CATSPERE: variants seen among roughly 807,000 people sequenced by gnomAD.
The protein encoded by CATSPERE is catsper channel auxiliary subunit epsilon.
Under a neutral mutation model 114.1 loss-of-function variants are expected in CATSPERE, and 93 were observed. That is an observed-to-expected ratio of 0.81 (90% confidence interval 0.69 to 0.97). The LOEUF is 0.97. Ranked by LOEUF, CATSPERE falls within the 50% of genes least tolerant of loss-of-function variation. The pLI is 0.00. For missense variants in CATSPERE, 1,058 were observed against 1,131.6 expected (o/e 0.93, Z 0.93); for synonymous variants, 341 against 384.1 (o/e 0.89, Z 1.31).
At chr1:244,454,436 C>T (rs1665937060) in exon 1 of CATSPERE, 2 of 152,106 alleles carry the variant, frequency 1.3e-5, no homozygotes, top group African/African-American at 4.8e-5. Flanking sequence ...TGGGCAGCAT[C>T]TTGCAAATTA....
At chr1:244,541,460 C>G (rs1482814519) in intron 8 of CATSPERE, among the ~76,000 whole-genome samples, 15 of 149,548 alleles carry the variant, frequency 1.0e-4, no homozygotes, top group African/African-American at 3.4e-4. Flanking sequence ...CAGTGAGATA[C>G]CATCTCACAC....
chr1:244,518,094 T>A (rs1383400641), intron 7 of CATSPERE, among the ~76,000 whole-genome samples: 1 of 152,198 alleles, frequency 6.6e-6, no homozygotes, highest in Non-Finnish European at 1.5e-5. Context: ...TAATTCCAAC[T>A]CAATTCCCCT....
chr1:244,520,412 G>A (rs1677332188), intron 8 of CATSPERE, among the ~76,000 whole-genome samples: 1 of 152,084 alleles, frequency 6.6e-6, no homozygotes, highest in African/African-American at 2.4e-5. Flanking sequence ...CCATTGAATT[G>A]TTTTGGAACT....
At chr1:244,580,830 G>A (rs900999583) in intron 11 of CATSPERE, among the ~76,000 whole-genome samples, 84 of 151,926 alleles carry the variant, frequency 5.5e-4, no homozygotes, top group Admixed American at 4.9e-3. Flanking sequence ...GTGAAACCCC[G>A]TCTCTACTAA....
At chr1:244,489,742 C>T (rs976024433) in intron 5 of CATSPERE, among the ~76,000 whole-genome samples, 22 of 152,030 alleles carry the variant, frequency 1.4e-4, no homozygotes, top group Non-Finnish European at 2.9e-4. Flanking sequence ...AATTTCTTCT[C>T]AGAAGGGAGA....
intron 2 of CATSPERE, among the ~76,000 whole-genome samples, chr1:244,476,365 T>G (rs932545862): frequency 1.5e-5 from 2 of 129,094 alleles, no homozygotes; most frequent in African/African-American, 5.3e-5. Context: ...TTTAAGTCTT[T>G]GACTACCTTT....
intron 11 of CATSPERE, among the ~76,000 whole-genome samples, chr1:244,580,654 A>G (rs1221898275): frequency 6.6e-6 from 1 of 152,192 alleles, no homozygotes; most frequent in African/African-American, 2.4e-5. Context: ...TTCCCTGATC[A>G]GAATTGTCTC....
rs113270369 is a variant in CATSPERE at position 244,495,660 on chromosome 1, G to T, written c.352-3342G>T. On this transcript the variant is annotated intron_variant, in intron 6 of 21. Coordinates refer to ENST00000366534, the MANE Select transcript of CATSPERE (RefSeq NM_001130957.2). ...CACTTGAACCAGGGAGTCAGAGATT[G>T]CAGTGAGCCGAGATTGCGCCACTGC... Among the ~76,000 whole-genome samples, 155 of 152,258 alleles carry T rather than the reference G, an allele frequency of 1.0e-3. 2 individuals carry two copies. Among genetic ancestry groups the T allele is most frequent in the African/African-American group, 3.4e-3 (143 of 41,558 alleles).
At chr1:244,593,078 T>C (rs1572913529) in intron 15 of CATSPERE, among the ~76,000 whole-genome samples, 1 of 152,228 alleles carries the variant, frequency 6.6e-6, no homozygotes, top group African/African-American at 2.4e-5. Flanking sequence ...AGAACTGTAC[T>C]GGAATAGCAC....
intron 7 of CATSPERE, among the ~76,000 whole-genome samples, chr1:244,502,474 G>C (rs550134822): frequency 6.6e-6 from 1 of 152,168 alleles, no homozygotes; most frequent in East Asian, 1.9e-4. Context: ...TATATTCTTA[G>C]ATTTGCTTTA....
intron 8 of CATSPERE, among the ~76,000 whole-genome samples, chr1:244,519,985 A>C (rs1677252405): frequency 6.6e-6 from 1 of 152,016 alleles, no homozygotes; most frequent in Non-Finnish European, 1.5e-5. Flanking sequence ...TAATTACCTT[A>C]CTTGTAAGCC....
chr1:244,592,123 TG>T (rs1667803284), intron 15 of CATSPERE, among the ~76,000 whole-genome samples: 1 of 152,142 alleles, frequency 6.6e-6, no homozygotes, highest in African/African-American at 2.4e-5. Flanking sequence ...CCGAGGCAGG[TG>T]GATCACCTGA....
intron 10 of CATSPERE, among the ~76,000 whole-genome samples, chr1:244,566,646 C>G (rs1386680330): frequency 7.6e-6 from 1 of 131,878 alleles, no homozygotes; most frequent in Non-Finnish European, 1.6e-5. Flanking sequence ...AGGATTGCAA[C>G]CCCTGCTTTT....
intron 7 of CATSPERE, among the ~76,000 whole-genome samples, chr1:244,512,201 C>T (rs185586589): frequency 1.4e-4 from 21 of 152,270 alleles, no homozygotes; most frequent in African/African-American, 5.1e-4. Flanking sequence ...TTTATGGTAT[C>T]CCATATGTCA....
chr1:244,528,785 C>CCACACACGCACACACACACA, intron 8 of CATSPERE, among the ~76,000 whole-genome samples: 1 of 130,584 alleles, frequency 7.7e-6, no homozygotes, highest in African/African-American at 2.9e-5. Flanking sequence ...CAATCCCCCA[C>CCACACACGCACACACACACA]CACACACACA....
intron 8 of CATSPERE, among the ~76,000 whole-genome samples, chr1:244,542,175 A>G (rs1170979564): frequency 6.8e-6 from 1 of 147,296 alleles, no homozygotes; most frequent in Non-Finnish European, 1.5e-5. Context: ...AAAAAAGTAG[A>G]GCAGTGTTCC....
At chr1:244,586,640 C>G (rs1383031048) in intron 13 of CATSPERE, among the ~76,000 whole-genome samples, 3 of 152,150 alleles carry the variant, frequency 2.0e-5, no homozygotes, top group Admixed American at 1.3e-4. Context: ...TTAAGGCCAC[C>G]AAACTTGGCT....
chr1:244,503,034 G>A (rs1674312046), intron 7 of CATSPERE, among the ~76,000 whole-genome samples: 1 of 152,158 alleles, frequency 6.6e-6, no homozygotes, highest in Non-Finnish European at 1.5e-5. Flanking sequence ...CCTTGACAGA[G>A]AAGGGAAAAT....
At position 244,525,646 on chromosome 1, in the gene CATSPERE, C is replaced by T. The variant is rs549354386; in HGVS notation, c.536+6948C>T. ...GGCAAAGTTAAAGATGCACATACCCCATGGTTACAAGCTCAATACCACTGT... is the reference window on the plus strand; with the variant it reads ...GGCAAAGTTAAAGATGCACATACCCTATGGTTACAAGCTCAATACCACTGT... On this transcript the variant is annotated intron_variant, in intron 8 of 21. Coordinates refer to ENST00000366534, the MANE Select transcript of CATSPERE (RefSeq NM_001130957.2). 3.3e-5 allele frequency among the ~76,000 whole-genome samples: 5 copies of T among 152,228 alleles called. No homozygotes were observed. The South Asian group carries it at 1.0e-3, about 32-fold the overall frequency.
Sources: gnomAD v4.1 joint callset for allele counts (sites outside exome capture counted in the v4.1 genomes callset) on GRCh38, gnomAD v4.1.1 for gene constraint, MANE v1.5 for transcripts, NCBI Gene and HGNC (gene_info 2026-07-23, HGNC 2026-07-21) for gene names.